The following SPRED2 variants were observed in gnomAD, a reference collection of about 807,000 sequenced individuals.
SPRED2 encodes sprouty related EVH1 domain containing 2, also known as sprouty-related, EVH1 domain-containing protein 2.
Under a neutral mutation model 43.0 loss-of-function variants are expected in SPRED2, and 47 were observed. The ratio of observed to expected loss-of-function variants is 1.09; its 90% CI spans 0.87 to 1.40. SPRED2 has a LOEUF of 1.40. Among genes scored for constraint, SPRED2 ranks in the 40% most tolerant of loss-of-function variants. SPRED2 has a pLI of 0.00. For synonymous variants in SPRED2, 225 were observed against 225.7 expected (o/e 1.00, Z 0.03); for missense variants, 561 against 586.4 (o/e 0.96, Z 0.45).
At chr2:65,365,052 G>T (rs1212752778) in intron 1 of SPRED2, among the ~76,000 whole-genome samples, 1 of 152,146 alleles carries the variant, frequency 6.6e-6, no homozygotes, top group East Asian at 1.9e-4. Flanking sequence ...CTTTGAATCT[G>T]AAGTATTTTT....
chr2:65,413,803 G>A (rs1676215829), intron 1 of SPRED2, among the ~76,000 whole-genome samples: 1 of 152,192 alleles, frequency 6.6e-6, no homozygotes, highest in Non-Finnish European at 1.5e-5. Context: ...TTATCAGAGT[G>A]GTTCATCAAG....
intron 1 of SPRED2, among the ~76,000 whole-genome samples, chr2:65,401,449 AT>A (rs371948575): frequency 4.6e-4 from 69 of 148,554 alleles, no homozygotes; most frequent in African/African-American, 1.0e-3. Flanking sequence ...GTCTCATACC[AT>A]TTTTTTTTTC....
chr2:65,322,264 CTCTCTCTA>C (rs1180761694), intron 4 of SPRED2, among the ~76,000 whole-genome samples: 619 of 56,824 alleles, frequency 0.011, 5 homozygotes, highest in Non-Finnish European at 0.015. Context: ...CTCTCTCTCT[CTCTCTCTA>C]TATATATATA....
chr2:65,310,764 TC>T, downstream of SPRED2: 2 of 607,694 alleles, frequency 3.3e-6, no homozygotes, highest in Non-Finnish European at 2.1e-6. Flanking sequence ...GGAAGCCCTG[TC>T]CCATCCTGTA....
intron 2 of SPRED2, among the ~76,000 whole-genome samples, chr2:65,341,305 A>G (rs1674177400): frequency 6.6e-6 from 1 of 151,576 alleles, no homozygotes; most frequent in Non-Finnish European, 1.5e-5. Flanking sequence ...AAAGCCCACA[A>G]GTGTGGAGTC....
chr2:65,429,801 G>A lies in SPRED2; in HGVS notation c.26+2161C>T, dbSNP rs1287525796. Among the ~76,000 whole-genome samples, 3 of 152,224 alleles carry A rather than the reference G, an allele frequency of 2.0e-5. No homozygotes were observed. In the East Asian group the frequency reaches 5.8e-4, roughly 29 times the overall value. On this transcript the variant is annotated intron_variant, in intron 1 of 5. Transcript: ENST00000356388. ...CTTTCTCAGTCTCTAAGTGAAACTAGAACTCCTCAAATATCTATCCTCTCA... is the reference window on the plus strand; with the variant it reads ...CTTTCTCAGTCTCTAAGTGAAACTAAAACTCCTCAAATATCTATCCTCTCA...
chr2:65,428,265 T>C (rs993931524), intron 1 of SPRED2, among the ~76,000 whole-genome samples: 3 of 152,202 alleles, frequency 2.0e-5, no homozygotes, highest in African/African-American at 4.8e-5. Context: ...GTAGTGTCTA[T>C]TCCCATTTTG....
downstream of SPRED2, among the ~76,000 whole-genome samples, chr2:65,309,386 G>A (rs1310473474): frequency 6.6e-6 from 1 of 151,014 alleles, no homozygotes; most frequent in East Asian, 1.9e-4. Context: ...TGCACCTGTA[G>A]TCCTAGCTAC....
At chr2:65,384,533 A>G (rs1675446295) in intron 1 of SPRED2, among the ~76,000 whole-genome samples, 1 of 152,174 alleles carries the variant, frequency 6.6e-6, no homozygotes, top group African/African-American at 2.4e-5. Flanking sequence ...CAGAGCATTA[A>G]ACCAAGTGTG....
intron 1 of SPRED2, among the ~76,000 whole-genome samples, chr2:65,401,842 A>G (rs1675896053): frequency 6.6e-6 from 1 of 151,818 alleles, no homozygotes; most frequent in Admixed American, 6.6e-5. Flanking sequence ...AGTATTTACT[A>G]CTAACAGTTG....
intron 2 of SPRED2, chr2:65,344,408 T>C (rs1674279065): frequency 2.3e-6 from 1 of 439,136 alleles, no homozygotes; most frequent in Non-Finnish European, 4.4e-6. Context: ...TTCATAATAA[T>C]AAAAGAGTAC....
intron 2 of SPRED2, among the ~76,000 whole-genome samples, chr2:65,335,778 G>T (rs1355123306): frequency 6.6e-6 from 1 of 152,068 alleles, no homozygotes; most frequent in African/African-American, 2.4e-5. Flanking sequence ...TAATATTATA[G>T]AAAAGAAACA....
chr2:65,404,221 AAG>A (rs1675972004), intron 1 of SPRED2, among the ~76,000 whole-genome samples: 1 of 152,076 alleles, frequency 6.6e-6, no homozygotes, highest in Non-Finnish European at 1.5e-5. Context: ...AAAAAAAAGA[AAG>A]AAAGAAAAAG....
At chr2:65,333,654 A>T (rs990878167) in intron 3 of SPRED2, among the ~76,000 whole-genome samples, 1 of 152,220 alleles carries the variant, frequency 6.6e-6, no homozygotes, top group Admixed American at 6.5e-5. Flanking sequence ...TTTGCCACTT[A>T]TGTCAGAACT....
At chr2:65,393,161 AC>A (rs1461476536) in intron 1 of SPRED2, among the ~76,000 whole-genome samples, 4 of 152,190 alleles carry the variant, frequency 2.6e-5, no homozygotes, top group Non-Finnish European at 4.4e-5. Flanking sequence ...AGACTCCTGC[AC>A]AGAGATAGAT....
At chr2:65,372,415 AGAGCCGGGG>A (rs1286426380) in intron 1 of SPRED2, among the ~76,000 whole-genome samples, 1 of 152,210 alleles carries the variant, frequency 6.6e-6, no homozygotes, top group Non-Finnish European at 1.5e-5. Flanking sequence ...AAGTATGGGA[AGAGCCGGGG>A]GCTTGATTAG....
At chr2:65,347,589 G>A (rs941802086) in intron 1 of SPRED2, among the ~76,000 whole-genome samples, 5 of 151,988 alleles carry the variant, frequency 3.3e-5, no homozygotes, top group Non-Finnish European at 5.9e-5. Context: ...CACTCTCTCC[G>A]CCCTTCCTCC....
chr2:65,361,253 A>G (rs1674808029), intron 1 of SPRED2, among the ~76,000 whole-genome samples: 1 of 152,242 alleles, frequency 6.6e-6, no homozygotes, highest in Admixed American at 6.5e-5. Flanking sequence ...GGAAGATCTT[A>G]TGCTTCAAAT....
intron 4 of SPRED2, among the ~76,000 whole-genome samples, chr2:65,323,458 G>A (rs1031732141): frequency 6.6e-6 from 1 of 152,066 alleles, no homozygotes; most frequent in Non-Finnish European, 1.5e-5. Context: ...GAAAAGAGAA[G>A]GGAAGGGGGT....
Sources: allele counts gnomAD v4.1 joint callset (sites outside exome capture counted in the v4.1 genomes callset), GRCh38; gene constraint gnomAD v4.1.1; transcripts MANE v1.5; gene names NCBI Gene and HGNC (gene_info 2026-07-23, HGNC 2026-07-21).